AKT3: variants seen among roughly 807,000 people sequenced by gnomAD.
AKT3 encodes the protein AKT serine/threonine kinase 3.
Under a neutral mutation model 65.3 loss-of-function variants are expected in AKT3, and 15 were observed. The ratio of observed to expected loss-of-function variants is 0.23; its 90% CI spans 0.15 to 0.35. The LOEUF (loss-of-function observed/expected upper bound fraction) is 0.35. Ranked by LOEUF, AKT3 falls within the 10% of genes least tolerant of loss-of-function variation. The probability of loss-of-function intolerance (pLI) is 1.00; values close to 1 mark genes in which losing one functional copy is unlikely to be tolerated. For missense variants in AKT3, 243 were observed against 576.5 expected (o/e 0.42, Z 5.92); for synonymous variants, 206 against 183.8 (o/e 1.12, Z -0.98).
intron 1 of AKT3, among the ~76,000 whole-genome samples, chr1:243,847,133 CA>C (rs1217557744): frequency 6.6e-5 from 10 of 152,218 alleles, no homozygotes; most frequent in Non-Finnish European, 1.5e-4. Flanking sequence ...TGGAGTAACA[CA>C]AATCTTCTAA....
chr1:243,519,216 G>T (rs1220296757), intron 12 of AKT3, among the ~76,000 whole-genome samples: 1 of 152,158 alleles, frequency 6.6e-6, no homozygotes, highest in Non-Finnish European at 1.5e-5. Context: ...CATCTCATCT[G>T]GTTCAGCTTA....
At chr1:243,808,008 C>A (rs1319191610) in intron 2 of AKT3, 1 of 152,188 alleles carries the variant, frequency 6.6e-6, no homozygotes, top group Admixed American at 6.5e-5. Flanking sequence ...AATAGAAAGA[C>A]ATCCACACCA....
chr1:243,849,309 A>T (rs532326290), intron 1 of AKT3, among the ~76,000 whole-genome samples: 1 of 152,172 alleles, frequency 6.6e-6, no homozygotes, highest in East Asian at 1.9e-4. Flanking sequence ...TATTCTTAGC[A>T]CACAACTCCC....
Position 243,561,169 on chromosome 1 carries a change from A to C in AKT3, c.948+2551T>G, listed in dbSNP as rs1055402859. On this transcript the variant is annotated intron_variant, in intron 10 of 13. Coordinates refer to ENST00000673466, the MANE Select transcript of AKT3 (RefSeq NM_005465.7). ...ATTTTAAATAGTAGCACTTATTTAC[A>C]ATAACTTAACATTGTTGAAATGTAA... Among the ~76,000 whole-genome samples the C allele has an allele frequency of 9.1e-4, 139 of 152,116 alleles. 1 individual carries two copies. The highest frequency in any genetic ancestry group is 8.8e-5 in the Non-Finnish European group (6 of 67,978).
intron 12 of AKT3, among the ~76,000 whole-genome samples, chr1:243,522,004 T>C (rs539972287): frequency 3.9e-4 from 60 of 152,350 alleles, no homozygotes; most frequent in South Asian, 6.2e-4. Context: ...ATCTCAGTTA[T>C]ACCTGGAGAG....
chr1:243,533,692 A>T (rs1671705126), intron 12 of AKT3, among the ~76,000 whole-genome samples: 1 of 152,214 alleles, frequency 6.6e-6, no homozygotes. Flanking sequence ...AGGGCAATGG[A>T]TAAAAAACTG....
At chr1:243,613,952 A>C (rs537911543) in intron 7 of AKT3, among the ~76,000 whole-genome samples, 2 of 152,248 alleles carry the variant, frequency 1.3e-5, no homozygotes, top group African/African-American at 4.8e-5. Flanking sequence ...TACAAGAAAA[A>C]CTAAAATTAA....
intron 2 of AKT3, among the ~76,000 whole-genome samples, chr1:243,709,751 G>T (rs952952348): frequency 1.1e-4 from 16 of 151,936 alleles, no homozygotes; most frequent in African/African-American, 3.1e-4. Context: ...ATATACTTAC[G>T]TTTAAATATC....
At chr1:243,791,119 C>A (rs1691604155) in intron 2 of AKT3, among the ~76,000 whole-genome samples, 1 of 152,122 alleles carries the variant, frequency 6.6e-6, no homozygotes. Context: ...GTAAGAAATG[C>A]AGTATTAGCA....
In AKT3 at chr1:243,850,188, A is replaced by C. The variant is rs1255614127; in HGVS notation, c.-261T>G. On this transcript the variant is annotated 5_prime_UTR_variant, in exon 1 of 14. Transcript: ENST00000673466. ...CTCCTGTCCTCCCCCCACCCCACAG[A>C]GCCTCTGGCCTCCTGGAGCCCGGTG... The C allele has an allele frequency of 6.5e-6, 1 of 154,270 alleles. No individual in the cohort carries two copies. The highest frequency in any genetic ancestry group is 6.7e-5 in the Admixed American group (1 of 14,930). 9.6% of individuals were successfully genotyped at this position (154,270 alleles called of 1,614,324 possible).
At chr1:243,572,393 G>A (rs1418806940) in intron 9 of AKT3, among the ~76,000 whole-genome samples, 1 of 152,014 alleles carries the variant, frequency 6.6e-6, no homozygotes, top group Non-Finnish European at 1.5e-5. Flanking sequence ...TGCCAATCCT[G>A]AGCTACCCTA....
chr1:243,842,162 G>A (rs1207103118), intron 2 of AKT3, among the ~76,000 whole-genome samples: 1 of 152,000 alleles, frequency 6.6e-6, no homozygotes, highest in Non-Finnish European at 1.5e-5. Flanking sequence ...TGTAAGTTAC[G>A]ACTTAATAAG....
At chr1:243,547,681 A>G (rs1672768777) in intron 11 of AKT3, among the ~76,000 whole-genome samples, 1 of 152,242 alleles carries the variant, frequency 6.6e-6, no homozygotes, top group Admixed American at 6.5e-5. Context: ...GTCAGAAATC[A>G]TTTATAATTA....
rs536967594 is a variant in AKT3, at chr1:243,605,931, G to GT, written c.696+7739dup. ...TTATCTCCATGCTGTTCTGCTGATA[G>GT]TGAGTGAGTTCTGATGAAATCTGAT... On this transcript the variant is annotated intron_variant, in intron 8 of 13. Coordinates refer to ENST00000673466, the MANE Select transcript of AKT3 (RefSeq NM_005465.7). Among the ~76,000 whole-genome samples the GT allele has an allele frequency of 2.0e-4, 30 of 152,308 alleles. No individual in the cohort carries two copies. In the East Asian group the frequency reaches 5.2e-3, roughly 26 times the overall value.
intron 12 of AKT3, among the ~76,000 whole-genome samples, chr1:243,521,170 T>C (rs1385703834): frequency 6.6e-6 from 1 of 152,236 alleles, no homozygotes; most frequent in Non-Finnish European, 1.5e-5. Context: ...TGGACAGTGA[T>C]TGTGGTATCT....
intron 5 of AKT3, among the ~76,000 whole-genome samples, chr1:243,640,512 CT>C (rs1377506644): frequency 3.3e-5 from 5 of 152,212 alleles, no homozygotes; most frequent in Non-Finnish European, 5.9e-5. Context: ...TGCGTTCTCT[CT>C]CTTGGAAAGC....
intron 9 of AKT3, among the ~76,000 whole-genome samples, chr1:243,565,208 A>G (rs1026223389): frequency 6.6e-6 from 1 of 152,220 alleles, no homozygotes; most frequent in African/African-American, 2.4e-5. Context: ...GAATGAACAC[A>G]TAAAATATAC....
rs528649886 is a variant in AKT3 at position 243,646,016 on chromosome 1, G to T, written c.306C>A (p.Ile102=). 30 of 1,609,732 alleles carry T rather than the reference G, an allele frequency of 1.9e-5. 1 individual carries two copies. In the Admixed American group the frequency reaches 3.5e-4, roughly 19 times the overall value. ...PEEREEWTEA[I]QAVADRLQRQ... The stretch of plus-strand genomic sequence containing the variant: ...TCTGCAGTCTGTCTGCTACAGCCTG[G>T]ATAGCTTCTGTCCATTCTTCCCTAT... Residue 102 remains isoleucine (I), a synonymous_variant, in exon 5 of 14, where the codon ATC becomes ATA. Coordinates refer to ENST00000673466, the MANE Select transcript of AKT3 (RefSeq NM_005465.7).
chr1:243,714,420 G>C (rs1184652984), intron 2 of AKT3, among the ~76,000 whole-genome samples: 2 of 152,146 alleles, frequency 1.3e-5, no homozygotes, highest in Non-Finnish European at 2.9e-5. Context: ...TTAAGGCACA[G>C]TGTATTTTGA....
Sources: gnomAD v4.1 joint callset for allele counts (sites outside exome capture counted in the v4.1 genomes callset) on GRCh38, gnomAD v4.1.1 for gene constraint, MANE v1.5 for transcripts, NCBI Gene and HGNC (gene_info 2026-07-23, HGNC 2026-07-21) for gene names.